The following RIMS2 variants were observed in gnomAD, a reference collection of about 807,000 sequenced individuals.
RIMS2 encodes regulating synaptic membrane exocytosis 2.
A neutral mutation model predicts 174.4 loss-of-function variants in RIMS2; 59 were observed. The ratio of observed to expected loss-of-function variants is 0.34; its 90% CI spans 0.27 to 0.42. The LOEUF is 0.42. Ranked by LOEUF, RIMS2 falls within the 10% of genes least tolerant of loss-of-function variation. The pLI is 1.00. For synonymous variants in RIMS2, 606 were observed against 572.5 expected (o/e 1.06, Z -0.84); for missense variants, 1,620 against 1,666.3 (o/e 0.97, Z 0.48).
At chr8:103,545,448 A>G (rs547305636) in intron 1 of RIMS2, among the ~76,000 whole-genome samples, 26 of 152,338 alleles carry the variant, frequency 1.7e-4, no homozygotes, top group African/African-American at 6.3e-4. Flanking sequence ...CTTGGAAAAC[A>G]TATTTGAGGC....
At chr8:104,152,129 A>G (rs1176321957) in intron 19 of RIMS2, among the ~76,000 whole-genome samples, 2 of 152,172 alleles carry the variant, frequency 1.3e-5, no homozygotes, top group Admixed American at 1.3e-4. Context: ...ATTTTCATGT[A>G]TGAGTAGTTA....
intron 4 of RIMS2, among the ~76,000 whole-genome samples, chr8:103,890,965 C>T (rs759090771): frequency 6.6e-6 from 1 of 151,834 alleles, no homozygotes; most frequent in Non-Finnish European, 1.5e-5. Context: ...TAACAGCATC[C>T]CTGGCCTCTA....
At chr8:103,627,350 G>T (rs1443101638) in intron 1 of RIMS2, among the ~76,000 whole-genome samples, 1 of 152,142 alleles carries the variant, frequency 6.6e-6, no homozygotes, top group Non-Finnish European at 1.5e-5. Context: ...CTTTTTCAGG[G>T]TGCACTGATT....
chr8:104,144,874 C>T (rs1414439816), intron 19 of RIMS2, among the ~76,000 whole-genome samples: 4 of 152,028 alleles, frequency 2.6e-5, no homozygotes, highest in Admixed American at 1.3e-4. Flanking sequence ...TGGAAAAACT[C>T]TGGGATTTGA....
intron 15 of RIMS2, among the ~76,000 whole-genome samples, chr8:103,968,876 A>C (rs550884995): frequency 6.6e-6 from 1 of 152,044 alleles, no homozygotes; most frequent in African/African-American, 2.4e-5. Flanking sequence ...AATTACTTTA[A>C]TATTTCTTGT....
In RIMS2 at chr8:104,195,566, A is replaced by G. The variant is rs543220047; in HGVS notation, c.3335-49350A>G. Among the ~76,000 whole-genome samples the G allele has an allele frequency of 1.7e-3, 245 of 148,410 alleles. 1 individual carries two copies. The highest frequency in any genetic ancestry group is 5.9e-3 in the African/African-American group (238 of 40,082). ...ATCTCTCTCTGTCAGCCAGGCTGGAATGCAATGGCACGATCTCGACTCACT... is the reference window on the plus strand; with the variant it reads ...ATCTCTCTCTGTCAGCCAGGCTGGAGTGCAATGGCACGATCTCGACTCACT... On this transcript the variant is annotated intron_variant, in intron 19 of 23. Coordinates refer to ENST00000504942, the Ensembl canonical transcript of RIMS2.
chr8:104,227,247 A>G (rs1487007688), intron 19 of RIMS2, among the ~76,000 whole-genome samples: 1 of 121,610 alleles, frequency 8.2e-6, no homozygotes, highest in Non-Finnish European at 1.7e-5. Context: ...CCCTGGGTGT[A>G]TTCCAGGTAG....
chr8:103,982,362 A>G (rs192567177), intron 16 of RIMS2, among the ~76,000 whole-genome samples: 1 of 152,218 alleles, frequency 6.6e-6, no homozygotes, highest in East Asian at 1.9e-4. Context: ...TTCAAAAAAT[A>G]AAGAAGGAGA....
intron 10 of RIMS2, among the ~76,000 whole-genome samples, chr8:103,926,956 C>G (rs2078896444): frequency 6.6e-6 from 1 of 151,468 alleles, no homozygotes; most frequent in Non-Finnish European, 1.5e-5. Context: ...TGTCTTTACA[C>G]TATCTTGCTT....
chr8:104,036,454 A>C (rs2096519942), intron 19 of RIMS2, among the ~76,000 whole-genome samples: 1 of 151,882 alleles, frequency 6.6e-6, no homozygotes. Flanking sequence ...CCCGGTCTGG[A>C]AATAAATTAT....
intron 19 of RIMS2, among the ~76,000 whole-genome samples, chr8:104,127,875 G>T (rs1176275175): frequency 6.6e-6 from 1 of 152,118 alleles, no homozygotes; most frequent in Admixed American, 6.6e-5. Flanking sequence ...AACTCATGTT[G>T]CCACCTGATA....
chr8:103,668,880 A>T (rs74399853), intron 1 of RIMS2, among the ~76,000 whole-genome samples: 4,705 of 152,096 alleles, frequency 0.031, 221 homozygotes, highest in African/African-American at 0.1. Context: ...AGGATTTAGG[A>T]ATTACAGGTG....
At chr8:103,994,143 A>G (rs960839535) in intron 17 of RIMS2, among the ~76,000 whole-genome samples, 8 of 151,422 alleles carry the variant, frequency 5.3e-5, no homozygotes, top group Non-Finnish European at 1.0e-4. Flanking sequence ...GGAATACTTT[A>G]TCTCCCATTT....
At chr8:103,505,092 G>A (rs1032238498) in intron 1 of RIMS2, among the ~76,000 whole-genome samples, 1 of 151,908 alleles carries the variant, frequency 6.6e-6, no homozygotes, top group African/African-American at 2.4e-5. Context: ...GGGCTCAAGT[G>A]ATCCTCCTGC....
intron 1 of RIMS2, among the ~76,000 whole-genome samples, chr8:103,670,843 C>T (rs183986509): frequency 5.9e-5 from 9 of 152,292 alleles, no homozygotes; most frequent in East Asian, 5.8e-4. Context: ...TCTTCTGAGC[C>T]GTCCAGACTG....
chr8:103,766,506 C>G (rs2098172664), exon 3 of RIMS2: 1 of 1,613,194 alleles, frequency 6.2e-7, no homozygotes. Context: ...AGGCGTGAAG[C>G]ATCACATTGC....
intron 19 of RIMS2, among the ~76,000 whole-genome samples, chr8:104,079,294 G>A (rs2097360967): frequency 6.6e-6 from 1 of 151,992 alleles, no homozygotes; most frequent in Admixed American, 6.6e-5. Flanking sequence ...CCATTGCCAA[G>A]AGTGCAGTAC....
chr8:104,221,126 T>C (rs2099152961), intron 19 of RIMS2, among the ~76,000 whole-genome samples: 1 of 152,186 alleles, frequency 6.6e-6, no homozygotes, highest in South Asian at 2.1e-4. Flanking sequence ...AAATATATTT[T>C]CTATATTTGT....
intron 16 of RIMS2, among the ~76,000 whole-genome samples, chr8:103,988,820 G>A (rs995940983): frequency 3.9e-5 from 6 of 152,118 alleles, no homozygotes; most frequent in African/African-American, 7.2e-5. Flanking sequence ...TGGTATCAAG[G>A]GAGATGGCGC....
Sources: allele counts gnomAD v4.1 joint callset (sites outside exome capture counted in the v4.1 genomes callset), GRCh38; gene constraint gnomAD v4.1.1; transcripts MANE v1.5; gene names NCBI Gene and HGNC (gene_info 2026-07-23, HGNC 2026-07-21).